DMD: variants seen among roughly 807,000 people sequenced by gnomAD.
DMD encodes the protein dystrophin.
A neutral mutation model predicts 330.1 loss-of-function variants in DMD; 63 were observed. The ratio of observed to expected loss-of-function variants is 0.19; its 90% CI spans 0.16 to 0.24. The LOEUF is 0.24. Among genes scored for constraint, DMD ranks in the 10% least tolerant of loss-of-function variants. The pLI, the probability that DMD is intolerant of heterozygous loss-of-function variation, is 1.00. For missense variants in DMD, 3,344 were observed against 2,684.1 expected (o/e 1.25, Z -5.43); for synonymous variants, 1,223 against 959.8 (o/e 1.27, Z -5.07).
chrX:32,531,321 C>G (rs1181672425), intron 17 of DMD, among the ~76,000 whole-genome samples: 1 of 111,186 alleles, frequency 9.0e-6, no homozygotes, highest in Non-Finnish European at 1.9e-5. Flanking sequence ...GTAAAATTTT[C>G]TGGATTATGT....
intron 55 of DMD, among the ~76,000 whole-genome samples, chrX:31,583,265 A>T (rs532409708): frequency 2.7e-4 from 30 of 111,800 alleles, no homozygotes; most frequent in African/African-American, 9.4e-4. Flanking sequence ...AGAGCCGTGG[A>T]TGAAGATGAG....
intron 40 of DMD, chrX:32,342,925 G>A (rs968505148): frequency 6.4e-6 from 3 of 470,596 alleles, no homozygotes; most frequent in Non-Finnish European, 1.1e-5. Flanking sequence ...ACTTTACATA[G>A]TCTAAAACAT....
At chrX:32,410,395 G>A (rs1026610966) in intron 30 of DMD, among the ~76,000 whole-genome samples, 8 of 111,414 alleles carry the variant, frequency 7.2e-5, no homozygotes, top group African/African-American at 2.6e-4. Context: ...ATATTATCAG[G>A]GACATTCTTG....
chrX:31,321,583 C>CAAAAAAAAAAAAAAAAAA lies in DMD; in HGVS notation c.9224+1997_9224+2014dup, dbSNP rs1190446358. On this transcript the variant is annotated intron_variant, in intron 62 of 78. Transcript: ENST00000357033. The stretch of plus-strand genomic sequence containing the variant: ...TGGGCAACAGAGTGAAACTCCATCT[C>CAAAAAAAAAAAAAAAAAA]AAAAAAAAAAAAAAAAAAAAAAAAA... Among the ~76,000 whole-genome samples the CAAAAAAAAAAAAAAAAAA allele has an allele frequency of 1.2e-3, 13 of 10,458 alleles. 2 individuals are homozygous for CAAAAAAAAAAAAAAAAAA. Among genetic ancestry groups the CAAAAAAAAAAAAAAAAAA allele is most frequent in the Non-Finnish European group, 1.8e-3 (12 of 6,746 alleles). 9.1% of individuals were successfully genotyped at this position (10,458 alleles called of 115,157 possible).
intron 41 of DMD, among the ~76,000 whole-genome samples, chrX:32,314,395 C>T (rs896348761): frequency 1.8e-5 from 2 of 111,310 alleles, no homozygotes; most frequent in Middle Eastern, 4.6e-3. Context: ...CAAAAATTAA[C>T]TCATGATGGA....
At chrX:31,878,206 C>T (rs2093998965) in intron 47 of DMD, among the ~76,000 whole-genome samples, 2 of 111,731 alleles carry the variant, frequency 1.8e-5, no homozygotes, top group Non-Finnish European at 1.9e-5. Flanking sequence ...AAATTTTCAG[C>T]TTAATTATGA....
rs202246585 is a variant in DMD, at chrX:32,526,699, CA to C, written c.2169-8569del. Among the ~76,000 whole-genome samples, 640 of 111,819 alleles carry C rather than the reference CA, an allele frequency of 5.7e-3. 11 individuals carry two copies. The highest frequency in any genetic ancestry group is 0.02 in the African/African-American group (602 of 30,832). ...TAAATGTTTAAAATAAATTCAAAGG[CA>C]AAAACACATACAAACATCTCAAAGA... On this transcript the variant is annotated intron_variant, in intron 17 of 78. Coordinates refer to ENST00000357033, the MANE Select transcript of DMD (RefSeq NM_004006.3).
chrX:32,358,282 G>A (rs2097814310), intron 37 of DMD, among the ~76,000 whole-genome samples: 1 of 110,748 alleles, frequency 9.0e-6, no homozygotes, highest in Non-Finnish European at 1.9e-5. Context: ...GTTTATTTTT[G>A]TCTTCCCATG....
intron 1 of DMD, among the ~76,000 whole-genome samples, chrX:33,338,748 G>T (rs2054292821): frequency 9.0e-6 from 1 of 111,450 alleles, no homozygotes; most frequent in Admixed American, 9.6e-5. Flanking sequence ...CTGAATAAAT[G>T]TCAAAAGCTA....
intron 45 of DMD, among the ~76,000 whole-genome samples, chrX:31,951,070 C>T (rs1052119967): frequency 5.6e-4 from 54 of 95,839 alleles, no homozygotes; most frequent in African/African-American, 2.0e-3. Context: ...TTTGCATATA[C>T]CTAATATCTT....
chrX:33,081,009 A>ACACAC (rs1475097752), intron 1 of DMD, among the ~76,000 whole-genome samples: 2,199 of 88,006 alleles, frequency 0.025, 56 homozygotes, highest in African/African-American at 0.1. Context: ...CACACACACA[A>ACACAC]AAACACATGT....
At chrX:33,204,196 A>T (rs1488362390) in intron 1 of DMD, among the ~76,000 whole-genome samples, 1 of 111,965 alleles carries the variant, frequency 8.9e-6, no homozygotes, top group Non-Finnish European at 1.9e-5. Context: ...CCTGAAACCC[A>T]TAAGGCTGTC....
At chrX:33,331,159 GGATGACCTAATGGAGAAATA>G (rs1246009462) in intron 1 of DMD, among the ~76,000 whole-genome samples, 1 of 111,596 alleles carries the variant, frequency 9.0e-6, no homozygotes, top group East Asian at 2.8e-4. Flanking sequence ...AATCCTGTCT[GGATGACCTAATGGAGAAATA>G]GACTCTGTTT....
intron 62 of DMD, among the ~76,000 whole-genome samples, chrX:31,270,494 G>A (rs1347586202): frequency 8.9e-6 from 1 of 112,121 alleles, no homozygotes; most frequent in African/African-American, 3.2e-5. Context: ...TGAGGGTAAA[G>A]GCATATCAAC....
chrX:32,249,344 A>T (rs973997372), intron 43 of DMD, among the ~76,000 whole-genome samples: 2 of 111,894 alleles, frequency 1.8e-5, no homozygotes, highest in Admixed American at 1.9e-4. Flanking sequence ...GCACAAAAAA[A>T]TACAAAGCTT....
intron 30 of DMD, among the ~76,000 whole-genome samples, chrX:32,395,411 A>G (rs372060060): frequency 1.9e-4 from 11 of 58,111 alleles, no homozygotes; most frequent in Admixed American, 2.4e-4. Flanking sequence ...ATCACACACC[A>G]GGGCCTGTCG....
At chrX:32,597,627 A>G (rs1309802288) in intron 12 of DMD, among the ~76,000 whole-genome samples, 4 of 112,052 alleles carry the variant, frequency 3.6e-5, no homozygotes. Flanking sequence ...CTCTGAAAAA[A>G]TCATTTCCCC....
intron 44 of DMD, among the ~76,000 whole-genome samples, chrX:31,975,153 G>C (rs1206402245): frequency 9.0e-6 from 1 of 110,885 alleles, no homozygotes; most frequent in Admixed American, 9.6e-5. Context: ...CTGAAACTGA[G>C]GGCTACATTT....
intron 47 of DMD, among the ~76,000 whole-genome samples, chrX:31,926,689 A>T (rs1439560727): frequency 2.7e-5 from 3 of 111,216 alleles, no homozygotes; most frequent in Non-Finnish European, 3.8e-5. Context: ...AAATAAATAA[A>T]AAAAAAAATA....
Sources: gnomAD v4.1 joint callset for allele counts (sites outside exome capture counted in the v4.1 genomes callset) on GRCh38, gnomAD v4.1.1 for gene constraint, MANE v1.5 for transcripts, NCBI Gene and HGNC (gene_info 2026-07-23, HGNC 2026-07-21) for gene names.